CDK14: variants seen among roughly 807,000 people sequenced by gnomAD.
CDK14 encodes the protein cyclin dependent kinase 14, also known as cyclin-dependent kinase 14.
Under a neutral mutation model 60.7 loss-of-function variants are expected in CDK14, and 34 were observed. That is an observed-to-expected ratio of 0.56 (90% CI 0.43 to 0.75). The LOEUF is 0.75. CDK14 is among the 30% of genes least tolerant of loss of function. The pLI is 0.00. For missense variants in CDK14, 482 were observed against 564.1 expected (o/e 0.85, Z 1.47); for synonymous variants, 197 against 203.7 (o/e 0.97, Z 0.28).
At chr7:91,075,567 A>ATGC (rs1160509889) in intron 11 of CDK14, among the ~76,000 whole-genome samples, 4 of 152,240 alleles carry the variant, frequency 2.6e-5, no homozygotes, top group Non-Finnish European at 5.9e-5. Context: ...CAAGACAAGG[A>ATGC]TGCTCTCTCT....
chr7:90,880,349 G>A (rs566228480), intron 6 of CDK14, among the ~76,000 whole-genome samples: 122 of 152,278 alleles, frequency 8.0e-4, no homozygotes, highest in African/African-American at 2.2e-3. Context: ...AGGCCCAGCC[G>A]TAACCCATCC....
At chr7:90,769,481 T>C (rs1804698431) in intron 4 of CDK14, among the ~76,000 whole-genome samples, 1 of 151,538 alleles carries the variant, frequency 6.6e-6, no homozygotes, top group Admixed American at 6.6e-5. Flanking sequence ...TTTCTTTTTT[T>C]TTTTGACTGA....
At chr7:91,193,400 T>A (rs889820790) in intron 14 of CDK14, among the ~76,000 whole-genome samples, 1 of 152,212 alleles carries the variant, frequency 6.6e-6, no homozygotes, top group Admixed American at 6.5e-5. Context: ...TTAAGAATTA[T>A]CACAATCTGA....
chr7:90,672,502 GT>G (rs201978996), intron 2 of CDK14, among the ~76,000 whole-genome samples: 274 of 49,938 alleles, frequency 5.5e-3, no homozygotes, highest in Non-Finnish European at 5.8e-3. Flanking sequence ...TTCTTCTTCT[GT>G]TTTTTTTTTT....
At chr7:91,005,860 G>C (rs1042812599) in intron 10 of CDK14, among the ~76,000 whole-genome samples, 2 of 152,222 alleles carry the variant, frequency 1.3e-5, no homozygotes, top group Admixed American at 6.5e-5. Flanking sequence ...TTCCTTGTGA[G>C]GCAAATAGTG....
At chr7:90,641,820 C>A (rs1800344120) in intron 2 of CDK14, among the ~76,000 whole-genome samples, 1 of 152,080 alleles carries the variant, frequency 6.6e-6, no homozygotes, top group African/African-American at 2.4e-5. Flanking sequence ...CTAGACTGGG[C>A]AATTTACAAA....
chr7:91,021,039 C>T (rs540208344), intron 10 of CDK14, among the ~76,000 whole-genome samples: 7 of 152,312 alleles, frequency 4.6e-5, no homozygotes, highest in Non-Finnish European at 8.8e-5. Context: ...CCCTAGAAGG[C>T]TTTCTCATAC....
At chr7:90,634,688 G>T (rs1800093310) in intron 2 of CDK14, among the ~76,000 whole-genome samples, 1 of 151,816 alleles carries the variant, frequency 6.6e-6, no homozygotes, top group East Asian at 1.9e-4. Context: ...TCTAGTTCTA[G>T]ATCCCTGAGG....
At chr7:90,805,369 G>T (rs1046574948) in intron 5 of CDK14, among the ~76,000 whole-genome samples, 1 of 151,822 alleles carries the variant, frequency 6.6e-6, no homozygotes, top group Non-Finnish European at 1.5e-5. Context: ...AAAAATGTTC[G>T]TTACAAAAGC....
At chr7:91,171,445 G>T (rs1484627964) in intron 14 of CDK14, among the ~76,000 whole-genome samples, 2 of 152,270 alleles carry the variant, frequency 1.3e-5, no homozygotes, top group East Asian at 1.9e-4. Flanking sequence ...TGAACTAAAA[G>T]ATGCTTTTAT....
intron 11 of CDK14, among the ~76,000 whole-genome samples, chr7:91,057,520 G>A (rs201294197): frequency 0.27 from 40,378 of 151,730 alleles, 7,111 homozygotes; most frequent in African/African-American, 0.49. Flanking sequence ...GTTTTCTTCT[G>A]GGGTTTTTAT....
intron 14 of CDK14, among the ~76,000 whole-genome samples, chr7:91,194,918 T>TA (rs1202412292): frequency 6.6e-6 from 1 of 152,110 alleles, no homozygotes; most frequent in African/African-American, 2.4e-5. Flanking sequence ...AAATGAACAG[T>TA]AAAAAAACAT....
At chr7:90,657,009 T>C (rs1800766690) in intron 2 of CDK14, among the ~76,000 whole-genome samples, 2 of 151,338 alleles carry the variant, frequency 1.3e-5, no homozygotes, top group African/African-American at 4.9e-5. Context: ...GAACTGGAAA[T>C]ACTTGCAGAG....
intron 5 of CDK14, among the ~76,000 whole-genome samples, chr7:90,856,585 CT>C (rs1259100076): frequency 6.6e-6 from 1 of 152,206 alleles, no homozygotes; most frequent in Non-Finnish European, 1.5e-5. Flanking sequence ...TGTTCTTTCT[CT>C]GCTAGACTGT....
chr7:90,758,759 C>A (rs566842656), intron 4 of CDK14, among the ~76,000 whole-genome samples: 48 of 152,140 alleles, frequency 3.2e-4, no homozygotes, highest in Middle Eastern at 3.4e-3. Flanking sequence ...TAAGCTAGAA[C>A]GTAGTGAGAA....
intron 12 of CDK14, among the ~76,000 whole-genome samples, chr7:91,083,399 C>T (rs554178166): frequency 6.6e-6 from 1 of 152,232 alleles, no homozygotes; most frequent in Non-Finnish European, 1.5e-5. Context: ...AGGTGTAGTT[C>T]TTCACCACAT....
chr7:91,025,027 A>AATT (rs1796534869), intron 10 of CDK14, among the ~76,000 whole-genome samples: 1 of 152,198 alleles, frequency 6.6e-6, no homozygotes, highest in Admixed American at 6.5e-5. Flanking sequence ...AATCAAGGAT[A>AATT]TAAGTCTTTT....
intron 9 of CDK14, among the ~76,000 whole-genome samples, chr7:90,968,408 G>A (rs115985572): frequency 4.7e-4 from 72 of 152,268 alleles, no homozygotes; most frequent in African/African-American, 1.7e-3. Flanking sequence ...TGTGACAGTC[G>A]CTTAGTAATT....
chr7:90,773,843 CCTCCT>C (rs530779137), intron 4 of CDK14, among the ~76,000 whole-genome samples: 12,038 of 78,580 alleles, frequency 0.15, 1,160 homozygotes, highest in African/African-American at 0.17. Context: ...TCTTCTCTTC[CCTCCT>C]CTCCTCTCCT....
Sources: allele counts gnomAD v4.1 joint callset (sites outside exome capture counted in the v4.1 genomes callset), GRCh38; gene constraint gnomAD v4.1.1; transcripts MANE v1.5; gene names NCBI Gene and HGNC (gene_info 2026-07-23, HGNC 2026-07-21).